Variants in MAP3K21 observed in about 807,000 individuals in gnomAD.
MAP3K21 encodes the protein mitogen-activated protein kinase kinase kinase MLK4.
Under a neutral mutation model 86.1 loss-of-function variants are expected in MAP3K21, and 63 were observed. That is an observed-to-expected ratio of 0.73 (90% CI 0.60 to 0.90). MAP3K21 has a LOEUF of 0.90. Ranked by LOEUF, MAP3K21 falls within the 40% of genes least tolerant of loss-of-function variation. The pLI, the probability that MAP3K21 is intolerant of heterozygous loss-of-function variation, is 0.00. For synonymous variants in MAP3K21, 558 were observed against 564.8 expected, an observed-to-expected ratio of 0.99 and a Z score of 0.17; for missense variants, 1,220 against 1,367.7, an observed-to-expected ratio of 0.89 and a Z score of 1.70.
chr1:233,350,956 C>G (rs1275065494), intron 2 of MAP3K21, among the ~76,000 whole-genome samples: 1 of 152,004 alleles, frequency 6.6e-6, no homozygotes, highest in African/African-American at 2.4e-5. Flanking sequence ...TGGGATAAGC[C>G]CTCCTCTCTC....
At chr1:233,339,484 TTC>T (rs200808763) in intron 1 of MAP3K21, among the ~76,000 whole-genome samples, 53 of 132,588 alleles carry the variant, frequency 4.0e-4, no homozygotes, top group Middle Eastern at 3.9e-3. Flanking sequence ...CTTCTTCTTC[TTC>T]TTTTTTTTTT....
At position 233,363,851 on chromosome 1, in the gene MAP3K21, C is replaced by CAAAAAA. The variant is rs71793740; in HGVS notation, c.1552+1566_1552+1571dup. 7.8e-3 allele frequency among the ~76,000 whole-genome samples: 1,005 copies of CAAAAAA among 128,732 alleles called. 13 individuals are homozygous for CAAAAAA. The highest frequency in any genetic ancestry group is 0.028 in the African/African-American group (967 of 35,148). The allele number at this position is 128,732 out of a possible 152,430, so 84.5% of individuals were successfully genotyped here. ...ATGAAACCTTGTCTCTACTAAAATA[C>CAAAAAA]AAAAAAAAAAAAATTAGCTGGGCAC... On this transcript the variant is annotated intron_variant, in intron 5 of 9. Transcript: ENST00000366624.
At chr1:233,337,631 T>C (rs889243465) in intron 1 of MAP3K21, among the ~76,000 whole-genome samples, 8 of 152,192 alleles carry the variant, frequency 5.3e-5, no homozygotes, top group Non-Finnish European at 7.3e-5. Context: ...CTAACTTGGG[T>C]GATTCCAGGC....
intron 1 of MAP3K21, among the ~76,000 whole-genome samples, chr1:233,342,552 C>T (rs568368670): frequency 5.3e-5 from 8 of 152,190 alleles, no homozygotes; most frequent in Middle Eastern, 3.4e-3. Context: ...ACATTTCCTG[C>T]GATTAAAGTA....
chr1:233,345,677 C>G (rs560726204), intron 1 of MAP3K21, among the ~76,000 whole-genome samples: 61 of 151,798 alleles, frequency 4.0e-4, no homozygotes, highest in African/African-American at 9.9e-4. Context: ...CACATGTATA[C>G]CTATGTATCA....
intron 1 of MAP3K21, among the ~76,000 whole-genome samples, chr1:233,342,758 A>G (rs1484366205): frequency 6.6e-6 from 1 of 152,108 alleles, no homozygotes; most frequent in Non-Finnish European, 1.5e-5. Context: ...GGTTATTTCA[A>G]ATGGAAGTGG....
At chr1:233,342,280 T>A (rs1054154413) in intron 1 of MAP3K21, among the ~76,000 whole-genome samples, 1 of 152,234 alleles carries the variant, frequency 6.6e-6, no homozygotes, top group Admixed American at 6.5e-5. Flanking sequence ...CAGCTCTGTG[T>A]TTCAGCCCTT....
chr1:233,384,618 A>G lies in MAP3K21; in HGVS notation c.*1907A>G, dbSNP rs945831087. ...AATACATGAAAGAAAAAGGATGGAA[A>G]CTATGTCCTCAGTTTTACTTCTACC... On this transcript the variant is annotated 3_prime_UTR_variant, in exon 10 of 10. Transcript: ENST00000366624. 17 of 152,106 alleles carry G rather than the reference A, an allele frequency of 1.1e-4. No homozygotes were observed. Among genetic ancestry groups the G allele is most frequent in the African/African-American group, 3.9e-4 (16 of 41,422 alleles). The allele number at this position is 152,106 out of a possible 1,614,324, so 9.4% of individuals were successfully genotyped here.
chr1:233,362,172 G>C lies in MAP3K21; in HGVS notation c.1431G>C (p.Arg477=). The change falls in exon 5 of 10, where the codon CGG becomes CGC. Residue 477 remains arginine (R), a synonymous_variant. Transcript: ENST00000366624. The stretch of plus-strand genomic sequence containing the variant: ...AGCGCGAGATCGACGTGCTGGAGCG[G>C]GAACTTAACATTCTGATATTCCAGC... ...LAEREIDVLE[R]ELNILIFQLN... 1.2e-6 allele frequency: 2 copies of C among 1,614,176 alleles called. No homozygotes were observed. The highest frequency in any genetic ancestry group is 1.7e-6 in the Non-Finnish European group (2 of 1,180,036).
chr1:233,376,796 C>T (rs1328048790), intron 8 of MAP3K21, among the ~76,000 whole-genome samples: 1 of 152,090 alleles, frequency 6.6e-6, no homozygotes, highest in Non-Finnish European at 1.5e-5. Context: ...TATGTAAAAC[C>T]AAATCAATTT....
rs200126419 is a variant in MAP3K21 at position 233,362,239 on chromosome 1, T to G, written c.1498T>G (p.Phe500Val). ...CAAGGTAAAGAAGAGGAAGGGCAAG[T>G]TTAAGAGAAGTCGTTTAAAGCTCAA... is the stretch of plus-strand genomic sequence containing the variant. ...KPKVKKRKGKFKRSRLKLKDG... is the reference protein window; with the variant it reads ...KPKVKKRKGKVKRSRLKLKDG... Residue 500 changes from phenylalanine to valine, a missense_variant, in exon 5 of 10, where the codon TTT becomes GTT. Physicochemically the swap from Phe to Val is conservative, Grantham distance 50. Around this residue, in one of 5 missense-constraint regions of MAP3K21, gnomAD observed 632 missense variants for 691.3 expected, o/e 0.91. Transcript: ENST00000366624. 3 of 1,614,240 alleles carry G rather than the reference T, an allele frequency of 1.9e-6. No individual in the cohort carries two copies. The highest frequency in any genetic ancestry group is 1.7e-5 in the Admixed American group (1 of 60,022).
At chr1:233,357,853 G>T (rs1663393378) in intron 4 of MAP3K21, among the ~76,000 whole-genome samples, 2 of 152,184 alleles carry the variant, frequency 1.3e-5, no homozygotes, top group South Asian at 4.1e-4. Context: ...ATGGCAATCT[G>T]GTCTCCAAGT....
In MAP3K21 at chr1:233,383,438, T is replaced by C. The variant is rs41271543; in HGVS notation, c.*727T>C. On this transcript the variant is annotated 3_prime_UTR_variant, in exon 10 of 10. Coordinates refer to ENST00000366624, the MANE Select transcript of MAP3K21 (RefSeq NM_032435.3). ...CATTTTATTCATTAGAACTCCAAAATAGATGTTCAAAGTTCAGTCCTTGCC... is the reference window on the plus strand; with the variant it reads ...CATTTTATTCATTAGAACTCCAAAACAGATGTTCAAAGTTCAGTCCTTGCC... 292 of 151,048 alleles carry C rather than the reference T, an allele frequency of 1.9e-3. 3 individuals are homozygous for C. Among genetic ancestry groups the C allele is most frequent in the Non-Finnish European group, 2.1e-3 (141 of 67,632 alleles). 9.4% of individuals were successfully genotyped at this position (151,048 alleles called of 1,614,324 possible). A position where few individuals can be genotyped will look rare whatever the true frequency, so the allele number is the denominator to read the frequency against.
intron 1 of MAP3K21, among the ~76,000 whole-genome samples, chr1:233,340,468 G>T (rs910334066): frequency 6.6e-6 from 1 of 152,114 alleles, no homozygotes; most frequent in African/African-American, 2.4e-5. Flanking sequence ...ATTCAGGAGA[G>T]TACAAAAGAG....
At chr1:233,348,678 C>T (rs777999252) in intron 2 of MAP3K21, among the ~76,000 whole-genome samples, 1 of 151,990 alleles carries the variant, frequency 6.6e-6, no homozygotes, top group Non-Finnish European at 1.5e-5. Flanking sequence ...CCTTTTGATT[C>T]GGGCCGTCCT....
intron 5 of MAP3K21, among the ~76,000 whole-genome samples, chr1:233,369,683 G>A (rs1486722895): frequency 6.6e-6 from 1 of 152,062 alleles, no homozygotes; most frequent in Non-Finnish European, 1.5e-5. Flanking sequence ...ATATGAAACT[G>A]ATATGAAATT....
intron 1 of MAP3K21, among the ~76,000 whole-genome samples, chr1:233,341,979 GA>G (rs532306775): frequency 0.01 from 1,491 of 148,034 alleles, 14 homozygotes; most frequent in Non-Finnish European, 0.017. Context: ...TGCAGCTGAT[GA>G]AAAAAAAAAG....
At chr1:233,339,238 T>C (rs1486113807) in intron 1 of MAP3K21, among the ~76,000 whole-genome samples, 3 of 85,828 alleles carry the variant, frequency 3.5e-5, no homozygotes, top group Non-Finnish European at 4.7e-5. Context: ...CTTCTTCTTC[T>C]TCTTCTTCTT....
intron 1 of MAP3K21, among the ~76,000 whole-genome samples, chr1:233,333,734 C>G (rs1319900018): frequency 6.6e-6 from 1 of 152,128 alleles, no homozygotes; most frequent in Non-Finnish European, 1.5e-5. Flanking sequence ...GTAAAGGAGA[C>G]AGAGGAAAGT....
Sources: allele counts gnomAD v4.1 joint callset (sites outside exome capture counted in the v4.1 genomes callset), GRCh38; gene constraint gnomAD v4.1.1; regional missense constraint gnomAD v4.1.1; transcripts MANE v1.5; gene names NCBI Gene and HGNC (gene_info 2026-07-23, HGNC 2026-07-21).